MAN2B2: variants seen among roughly 807,000 people sequenced by gnomAD.
The protein encoded by MAN2B2 is epididymis-specific alpha-mannosidase.
Under a neutral mutation model 117.1 loss-of-function variants are expected in MAN2B2, and 106 were observed. The observed-to-expected ratio is 0.90, with a 90% confidence interval of 0.77 to 1.06. The LOEUF is 1.06. MAN2B2 is among the 50% of genes least tolerant of loss of function. MAN2B2 has a pLI of 0.00. For missense variants in MAN2B2, 1,326 were observed against 1,381.4 expected, an observed-to-expected ratio of 0.96 and a Z score of 0.64; for synonymous variants, 544 against 595.1, an observed-to-expected ratio of 0.91 and a Z score of 1.25.
At chr4:6,585,036 C>T (rs1726578760) in intron 3 of MAN2B2, among the ~76,000 whole-genome samples, 1 of 152,084 alleles carries the variant, frequency 6.6e-6, no homozygotes, top group South Asian at 2.1e-4. Flanking sequence ...GCTGGCACTC[C>T]CCCTGTGCTC....
intron 3 of MAN2B2, among the ~76,000 whole-genome samples, chr4:6,580,389 T>TC (rs928944956): frequency 6.6e-5 from 10 of 152,118 alleles, no homozygotes; most frequent in African/African-American, 2.4e-4. Flanking sequence ...GCTCTTTCAC[T>TC]CCCCCATGTG....
intron 11 of MAN2B2, among the ~76,000 whole-genome samples, chr4:6,608,630 G>C (rs564514042): frequency 3.9e-5 from 6 of 152,186 alleles, no homozygotes; most frequent in South Asian, 2.1e-4. Flanking sequence ...TTCCAGCCTC[G>C]GATGCCTCGG....
chr4:6,610,643 T>A (rs554086945), intron 13 of MAN2B2, among the ~76,000 whole-genome samples: 26 of 152,088 alleles, frequency 1.7e-4, no homozygotes, highest in Admixed American at 3.9e-4. Flanking sequence ...TGAGGATCCA[T>A]GAGATGATGC....
chr4:6,605,040 C>G lies in MAN2B2; in HGVS notation c.1540-15C>G, dbSNP rs540755835. On this transcript the variant is annotated splice_polypyrimidine_tract_variant and intron_variant, in intron 10 of 18. Coordinates refer to ENST00000285599, the MANE Select transcript of MAN2B2 (RefSeq NM_015274.3). ...GAGCTGACAGTTAACAAGTCTCATCCTGCTGGCCTTGCAGATCCAGAACTC... is the reference window on the plus strand; with the variant it reads ...GAGCTGACAGTTAACAAGTCTCATCGTGCTGGCCTTGCAGATCCAGAACTC... 4.4e-5 allele frequency: 71 copies of G among 1,604,760 alleles called. No individual in the cohort carries two copies. The Admixed American group carries it at 1.2e-3, about 27-fold the overall frequency.
intron 7 of MAN2B2, 39 bp from the exon 8 acceptor site, chr4:6,597,074 C>T (rs780187582): frequency 1.3e-6 from 2 of 1,583,496 alleles, no homozygotes; most frequent in Non-Finnish European, 1.7e-6. Context: ...ACTTCTGGGT[C>T]ATGCCGTCTC....
At chr4:6,610,250 A>G (rs1727719291) in intron 13 of MAN2B2, among the ~76,000 whole-genome samples, 200 bp downstream of exon 13, 1 of 152,072 alleles carries the variant, frequency 6.6e-6, no homozygotes, top group Non-Finnish European at 1.5e-5. Flanking sequence ...TCTGCCTCCC[A>G]GGTTCAAGCG....
rs367660025 is a variant in MAN2B2, at chr4:6,609,253, T to C, written c.1961T>C (p.Ile654Thr). The C allele has an allele frequency of 7.4e-6, 12 of 1,614,016 alleles. No individual in the cohort carries two copies. The highest frequency in any genetic ancestry group is 6.6e-5 in the South Asian group (6 of 91,090). Residue 654 changes from isoleucine to threonine, a missense_variant, in exon 12 of 19, where the codon ATT becomes ACT. Ile to Thr is a moderately conservative substitution (Grantham distance 89). Transcript: ENST00000285599. Reference sequence around the variant, plus strand: ...GCGTGGGAAGCTGTGGAAATGGAGATTGTGGCGGGACAGCTTGTGACTGAG... The same window carrying C: ...GCGTGGGAAGCTGTGGAAATGGAGACTGTGGCGGGACAGCTTGTGACTGAG... The part of the protein sequence containing the change: ...VPAWEAVEME[I>T]VAGQLVTEIR...
intron 17 of MAN2B2, 87 bp from the exon 18 acceptor site, chr4:6,619,839 TG>T: frequency 8.6e-7 from 1 of 1,169,070 alleles, no homozygotes; most frequent in Non-Finnish European, 1.3e-6. Flanking sequence ...ACCGAGTTCG[TG>T]GTGTGTCTGC....
At chr4:6,576,384 C>T (rs1296896925) in intron 1 of MAN2B2, among the ~76,000 whole-genome samples, 194 bp from the exon 2 acceptor site, 3 of 152,188 alleles carry the variant, frequency 2.0e-5, no homozygotes, top group Non-Finnish European at 4.4e-5. Context: ...CCCTCTCCCC[C>T]AGGAGAGCAC....
chr4:6,583,049 C>T (rs1166430474), intron 3 of MAN2B2, among the ~76,000 whole-genome samples: 3 of 152,324 alleles, frequency 2.0e-5, no homozygotes, highest in South Asian at 4.1e-4. Flanking sequence ...CAGGGATCCA[C>T]GTTGCTTCCA....
At chr4:6,595,984 AT>A (rs1451293008) in intron 7 of MAN2B2, among the ~76,000 whole-genome samples, 1 of 152,206 alleles carries the variant, frequency 6.6e-6, no homozygotes, top group Non-Finnish European at 1.5e-5. Flanking sequence ...GGGTGTGGTT[AT>A]AGTCAAGGCA....
intron 7 of MAN2B2, among the ~76,000 whole-genome samples, chr4:6,596,140 G>A (rs1441699575): frequency 2.7e-5 from 4 of 149,584 alleles, no homozygotes; most frequent in East Asian, 3.9e-4. Flanking sequence ...CCAGGTGGGC[G>A]TGGTATCCAG....
chr4:6,582,419 A>G (rs1726466057), intron 3 of MAN2B2, among the ~76,000 whole-genome samples: 1 of 152,172 alleles, frequency 6.6e-6, no homozygotes, highest in East Asian at 1.9e-4. Context: ...GCTCACTGCA[A>G]TCTCTACCTC....
At chr4:6,620,892 G>A (rs1247068191) in intron 18 of MAN2B2, 1 of 380,204 alleles carries the variant, frequency 2.6e-6, no homozygotes, top group Non-Finnish European at 4.8e-6. Context: ...AGGCCACTAG[G>A]GCCAGGACCA....
In MAN2B2 at chr4:6,611,066, C is replaced by T. The variant is rs370014242; in HGVS notation, c.2371-20C>T. The T allele has an allele frequency of 9.9e-6, 16 of 1,611,724 alleles. No individual in the cohort carries two copies. Among genetic ancestry groups the T allele is most frequent in the African/African-American group, 9.3e-5 (7 of 74,894 alleles). On this transcript the variant is annotated intron_variant, in intron 14 of 18. Transcript: ENST00000285599. ...ATGCCCAGGTGCAAGCCGGGCCTCT[C>T]GGACAATGCCTTCCCGCAGGTCATG...
At chr4:6,607,370 C>A (rs1727594348) in intron 11 of MAN2B2, among the ~76,000 whole-genome samples, 1 of 152,134 alleles carries the variant, frequency 6.6e-6, no homozygotes. Context: ...CCACACCCAG[C>A]TAATTTTTGT....
intron 4 of MAN2B2, among the ~76,000 whole-genome samples, chr4:6,587,529 G>T (rs1726682384): frequency 6.6e-6 from 1 of 152,168 alleles, no homozygotes; most frequent in Non-Finnish European, 1.5e-5. Flanking sequence ...GAATGGCAGG[G>T]TGTGTTCAGC....
At chr4:6,609,471 C>T (rs562667128) in intron 12 of MAN2B2, 173 bp downstream of exon 12, 77 of 698,058 alleles carry the variant, frequency 1.1e-4, no homozygotes, top group East Asian at 5.5e-5. Flanking sequence ...GCTGCGTTTG[C>T]GTGTGCTGTG....
At chr4:6,620,247 C>T (rs1712104483) in intron 18 of MAN2B2, 1 of 536,254 alleles carries the variant, frequency 1.9e-6, no homozygotes, top group Non-Finnish European at 3.4e-6. Flanking sequence ...CCTGCCAGGG[C>T]TCCACACAGG....
Sources: gnomAD v4.1 joint callset for allele counts (sites outside exome capture counted in the v4.1 genomes callset) on GRCh38, gnomAD v4.1.1 for gene constraint, MANE v1.5 for transcripts, NCBI Gene and HGNC (gene_info 2026-07-23, HGNC 2026-07-21) for gene names.